Variants in PCDH15 observed in about 807,000 individuals in gnomAD.
The protein encoded by PCDH15 is protocadherin related 15, also known as protocadherin-15.
PCDH15 carries 129 observed loss-of-function variants against 178.5 expected under a neutral mutation model. The observed-to-expected ratio is 0.72, with a 90% CI of 0.63 to 0.84. The LOEUF (loss-of-function observed/expected upper bound fraction) is 0.84. PCDH15 is among the 40% of genes least tolerant of loss of function. The pLI, the probability that PCDH15 is intolerant of heterozygous loss-of-function variation, is 0.00. For synonymous variants in PCDH15, 800 were observed against 732.0 expected, an observed-to-expected ratio of 1.09 and a Z score of -1.50; for missense variants, 2,230 against 2,099.9, an observed-to-expected ratio of 1.06 and a Z score of -1.21.
chr10:54,059,527 C>T (rs189621329), intron 18 of PCDH15, among the ~76,000 whole-genome samples: 42 of 152,266 alleles, frequency 2.8e-4, no homozygotes, highest in East Asian at 3.9e-4. Flanking sequence ...TATACACATG[C>T]GCTTGTGCAT....
chr10:54,236,346 T>A (rs11004156), intron 9 of PCDH15, among the ~76,000 whole-genome samples: 10,025 of 152,222 alleles, frequency 0.066, 1,072 homozygotes, highest in African/African-American at 0.22. Context: ...AGGTTAATAT[T>A]TCGTGTTCCC....
In PCDH15 at chr10:54,846,835, GA is replaced by G. The variant is rs200306873; in HGVS notation, c.-29+50614del. Among the ~76,000 whole-genome samples the G allele has an allele frequency of 5.7e-3, 866 of 151,714 alleles. 8 individuals are homozygous for G. The highest frequency in any genetic ancestry group is 0.018 in the African/African-American group (765 of 41,378). Reference sequence around the variant, plus strand: ...CTGCCCAACCTGACTAACCCTTAAGGAAAAAAAATAAAATTCTATAAAACTA... The same window carrying G: ...CTGCCCAACCTGACTAACCCTTAAGGAAAAAAATAAAATTCTATAAAACTA... On this transcript the variant is annotated intron_variant, in intron 3 of 5. Transcript: ENST00000458638.
At chr10:55,570,179 AT>A (rs891224774) in intron 2 of PCDH15, among the ~76,000 whole-genome samples, 1 of 151,978 alleles carries the variant, frequency 6.6e-6, no homozygotes, top group Non-Finnish European at 1.5e-5. Flanking sequence ...TTCATGTTGC[AT>A]TTTTTGACAG....
At chr10:55,096,734 A>G (rs907876728) in intron 2 of PCDH15, among the ~76,000 whole-genome samples, 1 of 152,090 alleles carries the variant, frequency 6.6e-6, no homozygotes, top group Non-Finnish European at 1.5e-5. Context: ...ATAATGCAGT[A>G]TTTGTCTTTC....
chr10:54,582,151 C>A (rs1455997324), intron 2 of PCDH15, among the ~76,000 whole-genome samples: 1 of 151,934 alleles, frequency 6.6e-6, no homozygotes, highest in Non-Finnish European at 1.5e-5. Context: ...AGATAACCTG[C>A]AGAATGGGAG....
chr10:54,408,370 T>C (rs1325840216), intron 3 of PCDH15, among the ~76,000 whole-genome samples: 1 of 152,126 alleles, frequency 6.6e-6, no homozygotes, highest in African/African-American at 2.4e-5. Flanking sequence ...TAAGAATTAT[T>C]CCATATATGT....
At chr10:54,969,539 T>G (rs1838880446) in intron 2 of PCDH15, among the ~76,000 whole-genome samples, 1 of 152,214 alleles carries the variant, frequency 6.6e-6, no homozygotes, top group African/African-American at 2.4e-5. Context: ...AACATTCAAC[T>G]GCAGACTTAA....
intron 13 of PCDH15, among the ~76,000 whole-genome samples, chr10:54,156,430 C>G (rs117310602): frequency 4.6e-5 from 7 of 152,046 alleles, no homozygotes; most frequent in Non-Finnish European, 8.8e-5. Context: ...TCTTATGTGG[C>G]GGCAGACAAG....
At chr10:55,196,275 T>C (rs1270989626) in intron 1 of PCDH15, among the ~76,000 whole-genome samples, 2 of 152,198 alleles carry the variant, frequency 1.3e-5, no homozygotes, top group Admixed American at 6.5e-5. Flanking sequence ...GTAGGTAACA[T>C]AGTATTACCT....
chr10:54,198,297 T>A (rs1247399067), intron 10 of PCDH15, among the ~76,000 whole-genome samples: 1 of 152,006 alleles, frequency 6.6e-6, no homozygotes, highest in African/African-American at 2.4e-5. Flanking sequence ...AGTCTACGCC[T>A]GGAAAACATT....
At chr10:54,394,798 T>A (rs1307416786) in intron 3 of PCDH15, among the ~76,000 whole-genome samples, 1 of 152,148 alleles carries the variant, frequency 6.6e-6, no homozygotes, top group African/African-American at 2.4e-5. Context: ...CAGGCGCACC[T>A]GGGGGCGCTG....
At chr10:55,554,602 A>C (rs1456908187) in intron 2 of PCDH15, among the ~76,000 whole-genome samples, 2 of 151,950 alleles carry the variant, frequency 1.3e-5, no homozygotes, top group Non-Finnish European at 2.9e-5. Flanking sequence ...GTGGGATGCA[A>C]AACCCACACA....
At chr10:54,400,441 C>T (rs2135466398) in intron 3 of PCDH15, among the ~76,000 whole-genome samples, 1 of 152,086 alleles carries the variant, frequency 6.6e-6, no homozygotes, top group South Asian at 2.1e-4. Context: ...TCATTACTAA[C>T]TTATCATCAA....
At chr10:54,726,460 G>A (rs1216169377) in intron 1 of PCDH15, among the ~76,000 whole-genome samples, 2 of 141,008 alleles carry the variant, frequency 1.4e-5, no homozygotes, top group Non-Finnish European at 1.6e-5. Context: ...GTGTGTGTGT[G>A]TGTATTTGAA....
intron 25 of PCDH15, among the ~76,000 whole-genome samples, chr10:53,905,628 T>A (rs2082627587): frequency 6.6e-6 from 1 of 152,130 alleles, no homozygotes; most frequent in Non-Finnish European, 1.5e-5. Flanking sequence ...TGAGCCACCA[T>A]GCCTGGCCGA....
chr10:54,940,998 T>G (rs1838048994), intron 2 of PCDH15, among the ~76,000 whole-genome samples: 1 of 152,032 alleles, frequency 6.6e-6, no homozygotes, highest in African/African-American at 2.4e-5. Flanking sequence ...ATTGTTTCAT[T>G]TATTTACTTT....
At chr10:54,825,487 C>G (rs1276221504) in intron 3 of PCDH15, among the ~76,000 whole-genome samples, 2 of 148,022 alleles carry the variant, frequency 1.4e-5, no homozygotes, top group Non-Finnish European at 3.0e-5. Context: ...TACAGTCCCA[C>G]CAACAGTGTA....
At chr10:55,379,658 C>T (rs375594538) in intron 2 of PCDH15, among the ~76,000 whole-genome samples, 157 of 152,086 alleles carry the variant, frequency 1.0e-3, no homozygotes, top group Non-Finnish European at 1.8e-3. Flanking sequence ...GGCAGTCAGG[C>T]TCCAGAATCC....
Position 53,822,015 on chromosome 10 carries a change from T to C in PCDH15, c.4368-1785A>G, listed in dbSNP as rs2076301014. On this transcript the variant is annotated intron_variant, in intron 32 of 37. Coordinates refer to ENST00000644397, the MANE Select transcript of PCDH15 (RefSeq NM_001384140.1). ...AACATTTGTGCGTAGATAGTTTTTT[T>C]CTATTTGACTGTACATGTTAGCTAC... 2.5e-6 allele frequency: 4 copies of C among 1,613,928 alleles called. No homozygotes were observed. In the African/African-American group the frequency reaches 5.3e-5, roughly 22 times the overall value.
Sources: gnomAD v4.1 joint callset for allele counts (sites outside exome capture counted in the v4.1 genomes callset) on GRCh38, gnomAD v4.1.1 for gene constraint, MANE v1.5 for transcripts, NCBI Gene and HGNC (gene_info 2026-07-23, HGNC 2026-07-21) for gene names.